The following PRELID2 variants were observed in gnomAD, a reference collection of about 807,000 sequenced individuals.
PRELID2 encodes the protein PRELI domain containing 2, also known as PRELI domain-containing protein 2.
A neutral mutation model predicts 28.4 loss-of-function variants in PRELID2; 25 were observed. The observed-to-expected ratio is 0.88, with a 90% CI of 0.64 to 1.23. PRELID2 has a LOEUF of 1.23. Among genes scored for constraint, PRELID2 ranks in the 50% most tolerant of loss-of-function variants. PRELID2 has a pLI of 0.00. For missense variants in PRELID2, 201 were observed against 214.4 expected, an observed-to-expected ratio of 0.94 and a Z score of 0.39; for synonymous variants, 76 against 71.6, an observed-to-expected ratio of 1.06 and a Z score of -0.31.
At chr5:145,278,358 T>A in the PRELID2 span, among the ~76,000 whole-genome samples, 1 of 152,192 alleles carries the variant, frequency 6.6e-6, no homozygotes, top group Non-Finnish European at 1.5e-5. Context: ...AAAGCTGCAA[T>A]CAAGATGTTA....
intron 1 of PRELID2, among the ~76,000 whole-genome samples, chr5:145,826,470 A>G (rs568810975): frequency 1.3e-5 from 2 of 152,348 alleles, no homozygotes; most frequent in East Asian, 3.9e-4. Context: ...GGATGATTTA[A>G]GGGATTTTTA....
intron 1 of PRELID2, among the ~76,000 whole-genome samples, chr5:145,490,029 C>T (rs1752254938): frequency 6.6e-6 from 1 of 152,152 alleles, no homozygotes; most frequent in South Asian, 2.1e-4. Context: ...GATGATACAT[C>T]TGTGCTATCT....
At chr5:145,533,576 A>G (rs1752673123) in intron 1 of PRELID2, among the ~76,000 whole-genome samples, 1 of 152,058 alleles carries the variant, frequency 6.6e-6, no homozygotes, top group Non-Finnish European at 1.5e-5. Flanking sequence ...CATAGCTCTA[A>G]GAGTAACACA....
chr5:145,714,701 T>G (rs1030314633), intron 1 of PRELID2, among the ~76,000 whole-genome samples: 2 of 152,186 alleles, frequency 1.3e-5, no homozygotes, highest in African/African-American at 2.4e-5. Flanking sequence ...AGTTCACAAG[T>G]CTCCTTGTTG....
At chr5:145,264,452 A>T in the PRELID2 span, among the ~76,000 whole-genome samples, 452 of 152,228 alleles carry the variant, frequency 3.0e-3, 3 homozygotes, top group African/African-American at 0.011. Context: ...TCCCTTTATG[A>T]CTCAAACCCT....
chr5:145,534,810 G>C (rs1265577137), intron 1 of PRELID2, among the ~76,000 whole-genome samples: 1 of 151,914 alleles, frequency 6.6e-6, no homozygotes, highest in Non-Finnish European at 1.5e-5. Flanking sequence ...TTCACATATA[G>C]AGAAAGTCTC....
the PRELID2 span, among the ~76,000 whole-genome samples, chr5:145,397,867 C>G: frequency 1.3e-5 from 2 of 152,102 alleles, no homozygotes; most frequent in African/African-American, 4.8e-5. Flanking sequence ...TGAGAACCAC[C>G]AAATGTAGTT....
intron 1 of PRELID2, among the ~76,000 whole-genome samples, chr5:145,672,678 A>G (rs1754732757): frequency 6.6e-6 from 1 of 152,154 alleles, no homozygotes; most frequent in African/African-American, 2.4e-5. Flanking sequence ...AGAAACAAGT[A>G]ACAACTTCAT....
At chr5:145,699,565 A>G (rs192977039) in intron 1 of PRELID2, among the ~76,000 whole-genome samples, 3 of 152,230 alleles carry the variant, frequency 2.0e-5, no homozygotes, top group African/African-American at 4.8e-5. Flanking sequence ...GCTCATTGAC[A>G]TTGATGAAAT....
chr5:145,484,064 C>T (rs949610063), intron 1 of PRELID2, among the ~76,000 whole-genome samples: 2 of 152,140 alleles, frequency 1.3e-5, no homozygotes, highest in Non-Finnish European at 2.9e-5. Context: ...CAAATGCAGA[C>T]ATAAATAACG....
intron 5 of PRELID2, among the ~76,000 whole-genome samples, chr5:145,769,517 A>G (rs338892): frequency 0.84 from 128,616 of 152,248 alleles, 54,681 homozygotes; most frequent in East Asian, 0.99. Context: ...CTATAAAACT[A>G]ATCCTTCCTT....
chr5:145,334,373 TTA>T, the PRELID2 span, among the ~76,000 whole-genome samples: 1 of 152,212 alleles, frequency 6.6e-6, no homozygotes, highest in Non-Finnish European at 1.5e-5. Context: ...TCCAAAAACT[TTA>T]TCTTATTAAT....
At chr5:145,741,906 T>A (rs1355152418) in intron 1 of PRELID2, among the ~76,000 whole-genome samples, 10 of 122,998 alleles carry the variant, frequency 8.1e-5, no homozygotes, top group African/African-American at 9.7e-5. Flanking sequence ...TAATTTAAAT[T>A]TATATATAAA....
chr5:145,463,990 A>T, the PRELID2 span, among the ~76,000 whole-genome samples: 1 of 152,188 alleles, frequency 6.6e-6, no homozygotes, highest in Non-Finnish European at 1.5e-5. Flanking sequence ...TATGGGTAGA[A>T]TTCTACCTTT....
At chr5:145,454,559 G>A in the PRELID2 span, among the ~76,000 whole-genome samples, 4 of 152,174 alleles carry the variant, frequency 2.6e-5, no homozygotes, top group Admixed American at 1.3e-4. Flanking sequence ...ATCTCCTTAA[G>A]CTGATAAGCA....
the PRELID2 span, among the ~76,000 whole-genome samples, chr5:145,335,143 G>C: frequency 6.6e-6 from 1 of 151,814 alleles, no homozygotes; most frequent in Non-Finnish European, 1.5e-5. Flanking sequence ...TCCATAAACT[G>C]TCTTCACCTT....
the PRELID2 span, among the ~76,000 whole-genome samples, chr5:145,453,132 C>T: frequency 4.1e-4 from 62 of 152,230 alleles, no homozygotes; most frequent in African/African-American, 1.4e-3. Context: ...AGGCATATGA[C>T]TTATTTACTT....
intron 5 of PRELID2, among the ~76,000 whole-genome samples, chr5:145,769,474 A>G (rs1226370056): frequency 6.6e-6 from 1 of 152,258 alleles, no homozygotes; most frequent in Non-Finnish European, 1.5e-5. Context: ...TTGAAACTAA[A>G]GGTGGCTAAA....
rs1287606840 is a variant in PRELID2 at position 145,796,450 on chromosome 5, C to A, written c.466G>T (p.Ala156Ser). 6.2e-7 allele frequency: 1 copy of A among 1,606,076 alleles called. No homozygotes were observed. The highest frequency in any genetic ancestry group is 1.7e-5 in the Admixed American group (1 of 59,440). Reference protein sequence around the residue: ...TFASTFLRQGAQKGIRIMEML... With the variant: ...TFASTFLRQGSQKGIRIMEML... ...AGCAGAAATATGGTTACCTTCTGGG[C>A]TCCCTGTCGTAAGAATGTGCTGGCA... The change falls in exon 5 of 7, where the codon GCC (alanine) becomes TCC (serine). Residue 156 changes from alanine (A) to serine (S), a missense_variant. Transcript: ENST00000683046.
Sources: gnomAD v4.1 joint callset for allele counts (sites outside exome capture counted in the v4.1 genomes callset) on GRCh38, gnomAD v4.1.1 for gene constraint, MANE v1.5 for transcripts, NCBI Gene and HGNC (gene_info 2026-07-23, HGNC 2026-07-21) for gene names.